PDE4D: variants seen among roughly 807,000 people sequenced by gnomAD.
PDE4D encodes 3',5'-cyclic-AMP phosphodiesterase 4D.
PDE4D carries 24 observed loss-of-function variants against 87.4 expected under a neutral mutation model. The observed-to-expected ratio is 0.27, with a 90% CI of 0.20 to 0.39. The LOEUF (loss-of-function observed/expected upper bound fraction) is 0.39. Among genes scored for constraint, PDE4D ranks in the 10% least tolerant of loss-of-function variants. The probability of loss-of-function intolerance (pLI) is 1.00; values close to 1 mark genes in which losing one functional copy is unlikely to be tolerated. For missense variants in PDE4D, 714 were observed against 1,041.0 expected (o/e 0.69, Z 4.32); for synonymous variants, 384 against 383.2 (o/e 1.00, Z -0.02).
intron 1 of PDE4D, among the ~76,000 whole-genome samples, chr5:59,336,651 T>C (rs944083437): frequency 1.3e-5 from 2 of 152,212 alleles, no homozygotes; most frequent in Admixed American, 1.3e-4. Context: ...GCAGTGATAA[T>C]AATGTTGAGA....
At chr5:60,302,995 C>T (rs1754060336) in intron 1 of PDE4D, among the ~76,000 whole-genome samples, 1 of 151,508 alleles carries the variant, frequency 6.6e-6, no homozygotes, top group Non-Finnish European at 1.5e-5. Flanking sequence ...CACCCAGCTA[C>T]TTTTTGTATT....
chr5:60,357,803 C>G (rs1012633758), intron 1 of PDE4D, among the ~76,000 whole-genome samples: 1 of 152,110 alleles, frequency 6.6e-6, no homozygotes, highest in Non-Finnish European at 1.5e-5. Context: ...GGTAACAACA[C>G]AAGTAATAAT....
At chr5:59,270,569 A>C (rs1378710441) in intron 1 of PDE4D, among the ~76,000 whole-genome samples, 1 of 152,164 alleles carries the variant, frequency 6.6e-6, no homozygotes, top group Non-Finnish European at 1.5e-5. Flanking sequence ...ACCAGTAGAG[A>C]ATATAATGGT....
At chr5:60,059,689 T>A (rs1447804750) in intron 2 of PDE4D, among the ~76,000 whole-genome samples, 1 of 151,890 alleles carries the variant, frequency 6.6e-6, no homozygotes, top group Non-Finnish European at 1.5e-5. Flanking sequence ...AGGAGTGACA[T>A]GGGGAACTGA....
At chr5:59,442,358 T>G (rs1174952524) in intron 1 of PDE4D, among the ~76,000 whole-genome samples, 2 of 150,684 alleles carry the variant, frequency 1.3e-5, no homozygotes, top group Non-Finnish European at 2.9e-5. Context: ...GTTTTCATAA[T>G]AGATAAACTA....
intron 2 of PDE4D, among the ~76,000 whole-genome samples, chr5:60,132,023 C>T (rs1779636368): frequency 6.6e-6 from 1 of 152,168 alleles, no homozygotes. Flanking sequence ...TCGATAAAAT[C>T]TCTTACCACT....
chr5:59,847,566 T>C (rs778506323), intron 1 of PDE4D, among the ~76,000 whole-genome samples: 2 of 152,132 alleles, frequency 1.3e-5, no homozygotes, highest in Non-Finnish European at 2.9e-5. Flanking sequence ...TGGTACCTTT[T>C]AGAAATATTA....
intron 1 of PDE4D, among the ~76,000 whole-genome samples, chr5:60,329,608 A>C (rs1757139086): frequency 6.6e-6 from 1 of 152,198 alleles, no homozygotes; most frequent in South Asian, 2.1e-4. Flanking sequence ...CTGCTACAAT[A>C]GATTCTATTA....
rs60467130 is a variant in PDE4D at position 59,156,331 on chromosome 5, A to ATGTGTGTGTG, written c.808+24254_808+24263dup. Among the ~76,000 whole-genome samples, 27 of 122,752 alleles carry ATGTGTGTGTG rather than the reference A, an allele frequency of 2.2e-4. No homozygotes were observed. The East Asian group carries it at 5.0e-3, about 23-fold the overall frequency. The allele number at this position is 122,752 out of a possible 152,430, so 80.5% of individuals were successfully genotyped here. A position where few individuals can be genotyped will look rare whatever the true frequency, so the allele number is the denominator to read the frequency against. ...CCAGAAAAAAAAAAAATATATATATATGTGTGTGTGTGTGTGTGTGTGTGT... is the reference window on the plus strand; with the variant it reads ...CCAGAAAAAAAAAAAATATATATATATGTGTGTGTGTGTGTGTGTGTGTGTGTGTGTGTGT... On this transcript the variant is annotated intron_variant, in intron 5 of 14. Transcript: ENST00000340635.
chr5:59,652,598 G>A (rs192819148), intron 1 of PDE4D, among the ~76,000 whole-genome samples: 2 of 152,250 alleles, frequency 1.3e-5, no homozygotes, highest in East Asian at 3.9e-4. Flanking sequence ...TAATTAAGAG[G>A]TGTGCATTTC....
intron 1 of PDE4D, among the ~76,000 whole-genome samples, chr5:59,638,433 T>C (rs1311394182): frequency 2.0e-5 from 3 of 152,180 alleles, no homozygotes; most frequent in Admixed American, 2.0e-4. Context: ...TGAGCAGTTC[T>C]ATGCCTAACA....
chr5:59,426,229 C>A (rs894812283), intron 1 of PDE4D, among the ~76,000 whole-genome samples: 3 of 152,170 alleles, frequency 2.0e-5, no homozygotes, highest in Admixed American at 6.5e-5. Context: ...CAAATTTCTG[C>A]TGTTTAAGCC....
rs552319662 is a variant in PDE4D, at chr5:59,054,513, G to GT, written c.809-15543dup. Among the ~76,000 whole-genome samples, 461 of 152,012 alleles carry GT rather than the reference G, an allele frequency of 3.0e-3. 3 individuals are homozygous for GT. Among genetic ancestry groups the GT allele is most frequent in the African/African-American group, 0.011 (439 of 41,516 alleles). On this transcript the variant is annotated intron_variant, in intron 5 of 14. Coordinates refer to ENST00000340635, the MANE Select transcript of PDE4D (RefSeq NM_001104631.2). ...GACTCCTATTTAAAGAAACTCTTGT[G>GT]TTTTATAAATAATAGTCATGGCAAA...
In PDE4D at chr5:60,133,647, T is replaced by C. The variant is rs368621053; in HGVS notation, c.42+51910A>G. On this transcript the variant is annotated intron_variant, in intron 2 of 16. Coordinates refer to the PDE4D transcript ENST00000502484. ...TAGCTAATATTAATTAGTGTTATAC[T>C]ACAACATCCTCAATATTTTTCTAGA... 3.0e-4 allele frequency among the ~76,000 whole-genome samples: 46 copies of C among 152,362 alleles called. No homozygotes were observed. The South Asian group carries it at 8.7e-3, about 29-fold the overall frequency.
chr5:59,295,930 G>T (rs1236931324), intron 1 of PDE4D, among the ~76,000 whole-genome samples: 1 of 152,078 alleles, frequency 6.6e-6, no homozygotes, highest in African/African-American at 2.4e-5. Context: ...GACTCATGGG[G>T]GTGGGAAATA....
intron 1 of PDE4D, among the ~76,000 whole-genome samples, chr5:59,244,725 TAG>T (rs1228746556): frequency 1.5e-5 from 2 of 130,268 alleles, no homozygotes; most frequent in Admixed American, 7.8e-5. Context: ...TGTGTGTGTA[TAG>T]AGAGACCGAC....
chr5:59,371,083 T>C (rs1166452909), intron 1 of PDE4D, among the ~76,000 whole-genome samples: 1 of 152,150 alleles, frequency 6.6e-6, no homozygotes, highest in Non-Finnish European at 1.5e-5. Flanking sequence ...TATTGGTGTA[T>C]TTTATATGGG....
intron 1 of PDE4D, among the ~76,000 whole-genome samples, chr5:60,315,963 A>G (rs1755540581): frequency 6.6e-6 from 1 of 152,138 alleles, no homozygotes. Flanking sequence ...TTGACTTGGC[A>G]ATGTGGGCTC....
chr5:59,705,122 AG>A (rs1338887210), intron 1 of PDE4D, among the ~76,000 whole-genome samples: 1 of 152,160 alleles, frequency 6.6e-6, no homozygotes, highest in Non-Finnish European at 1.5e-5. Flanking sequence ...TGTTTCTGTG[AG>A]GGATTTTTCT....
Sources: allele counts gnomAD v4.1 joint callset (sites outside exome capture counted in the v4.1 genomes callset), GRCh38; gene constraint gnomAD v4.1.1; transcripts MANE v1.5; gene names NCBI Gene and HGNC (gene_info 2026-07-23, HGNC 2026-07-21).